The following AJM1 variants were observed in gnomAD, a reference collection of about 807,000 sequenced individuals.
The protein encoded by AJM1 is apical junction component 1 homolog.
In AJM1, 22 loss-of-function variants were observed where a neutral mutation model predicts 43.0. That is an observed-to-expected ratio of 0.51 (90% CI 0.37 to 0.73). AJM1 has a LOEUF of 0.73. Ranked by LOEUF, AJM1 falls within the 30% of genes least tolerant of loss-of-function variation. The pLI is 0.00. For missense variants in AJM1, 1,305 were observed against 1,343.3 expected, an observed-to-expected ratio of 0.97 and a Z score of 0.45; for synonymous variants, 719 against 638.3, an observed-to-expected ratio of 1.13 and a Z score of -1.91.
In AJM1 at chr9:136,846,526, C is replaced by T; in HGVS notation, c.2112C>T (p.Asp704=). The change falls in exon 3 of 3, where the codon GAC becomes GAT. Residue 704 remains aspartate (D), a synonymous_variant. Coordinates refer to ENST00000436881, the MANE Select transcript of AJM1 (RefSeq NM_001080482.5). The stretch of plus-strand genomic sequence containing the variant: ...GCCTGTGCCGCCGCGAGGACTGGGA[C>T]GCCCACAAGGCGCGCTGCGTGTACG... The part of the protein sequence containing the change: ...CSRLCRREDW[D]AHKARCVYGR... 2 of 1,595,200 alleles carry T rather than the reference C, an allele frequency of 1.3e-6. No homozygotes were observed. Among genetic ancestry groups the T allele is most frequent in the Non-Finnish European group, 1.7e-6 (2 of 1,178,376 alleles).
rs1416230421 is a variant in AJM1 at position 136,842,521 on chromosome 9, G to GCCGGGGAGTC, written c.-205_-204insGTCCCGGGGA. Reference sequence around the variant, plus strand: ...CTGCCCGTGCCGGGGACGCAGCAGTGCCGGGGACACAGAGGAGCCGACCTG... The same window carrying GCCGGGGAGTC: ...CTGCCCGTGCCGGGGACGCAGCAGTGCCGGGGAGTCCCGGGGACACAGAGGAGCCGACCTG... On this transcript the variant is annotated 5_prime_UTR_variant, in exon 1 of 3. Transcript: ENST00000436881. 6.6e-6 allele frequency among the ~76,000 whole-genome samples: 1 copy of GCCGGGGAGTC among 152,236 alleles called. No individual in the cohort carries two copies. The highest frequency in any genetic ancestry group is 1.5e-5 in the Non-Finnish European group (1 of 68,042).
In AJM1 at chr9:136,845,797, C is replaced by T. The variant is rs756944857; in HGVS notation, c.1383C>T (p.Asp461=). 10 of 1,570,722 alleles carry T rather than the reference C, an allele frequency of 6.4e-6. No individual in the cohort carries two copies. Among genetic ancestry groups the T allele is most frequent in the African/African-American group, 1.4e-5 (1 of 73,872 alleles). Residue 461 remains aspartate, a synonymous_variant, in exon 3 of 3, where the codon GAC becomes GAT. Transcript: ENST00000436881. ...NILAPGPRRE[D]PLGRGRSYEN... ...TGGCCCCGGGGCCGCGCCGAGAAGA[C>T]CCGTTGGGCCGCGGCCGCAGCTACG...
chr9:136,847,198 C>G lies in AJM1; in HGVS notation c.2784C>G (p.Val928=), dbSNP rs1564379384. 1 of 1,605,856 alleles carries G rather than the reference C, an allele frequency of 6.2e-7. No homozygotes were observed. Among genetic ancestry groups the G allele is most frequent in the African/African-American group, 1.3e-5 (1 of 74,712 alleles). The change falls in exon 3 of 3, where the codon GTC becomes GTG. Residue 928 remains valine, a synonymous_variant. Coordinates refer to ENST00000436881, the MANE Select transcript of AJM1 (RefSeq NM_001080482.5). ...TCTACGAGCAGCTTTGCGAGTTCGT[C>G]GAGGCCAACAGGCGCTTCACGCCCA... ...PRVYEQLCEF[V]EANRRFTPTT... is the part of the protein sequence containing the mutation.
In AJM1 at chr9:136,846,856, C is replaced by A; in HGVS notation, c.2442C>A (p.Leu814=). The A allele has an allele frequency of 1.3e-6, 2 of 1,575,470 alleles. No individual in the cohort carries two copies. Among genetic ancestry groups the A allele is most frequent in the South Asian group, 1.1e-5 (1 of 87,614 alleles). ...RLYEPAECFL[L]SVSVAVGPGT... ...ACGAACCGGCAGAGTGCTTCCTGCTCAGCGTGTCCGTGGCCGTGGGACCCG... is the reference window on the plus strand; with the variant it reads ...ACGAACCGGCAGAGTGCTTCCTGCTAAGCGTGTCCGTGGCCGTGGGACCCG... Residue 814 remains leucine (L), a synonymous_variant, in exon 3 of 3, where the codon CTC becomes CTA. Coordinates refer to ENST00000436881, the MANE Select transcript of AJM1 (RefSeq NM_001080482.5).
rs1479026506 is a variant in AJM1 at position 136,847,723 on chromosome 9, GCT to G, written c.*381_*382del. On this transcript the variant is annotated 3_prime_UTR_variant, in exon 3 of 3. Coordinates refer to ENST00000436881, the MANE Select transcript of AJM1 (RefSeq NM_001080482.5). Reference sequence around the variant, plus strand: ...GCGGGGTGGGCCTGAGGACCGCCGAGCTCTGCCTTCACTCGGAGGGGTCACTA... The same window carrying G: ...GCGGGGTGGGCCTGAGGACCGCCGAGCTGCCTTCACTCGGAGGGGTCACTA... 1 of 229,706 alleles carries G rather than the reference GCT, an allele frequency of 4.4e-6. No homozygotes were observed. Among genetic ancestry groups the G allele is most frequent in the Non-Finnish European group, 8.5e-6 (1 of 118,274 alleles). 14.2% of individuals were successfully genotyped at this position (229,706 alleles called of 1,614,324 possible).
chr9:136,844,576 C>G lies in AJM1; in HGVS notation c.162C>G (p.Asp54Glu). The G allele has an allele frequency of 2.5e-6, 4 of 1,597,986 alleles. No individual in the cohort carries two copies. The highest frequency in any genetic ancestry group is 3.4e-6 in the Non-Finnish European group (4 of 1,174,046). Reference protein sequence around the residue: ...PFNKRHCRSFDFLEALDGPAM... With the variant: ...PFNKRHCRSFEFLEALDGPAM... ...ACAAGCGCCACTGCCGCAGCTTCGA[C>G]TTCCTGGAGGCGCTGGACGGGCCGG... Residue 54 changes from aspartate (D) to glutamate (E), a missense_variant, in exon 3 of 3, where the codon GAC becomes GAG. By Grantham distance (45) the Asp-to-Glu change is conservative (BLOSUM62 2). Coordinates refer to ENST00000436881, the MANE Select transcript of AJM1 (RefSeq NM_001080482.5).
chr9:136,845,863 G>T lies in AJM1; in HGVS notation c.1449G>T (p.Val483=). ...GCGAGGTGCGGGAGCCGCGAGGCGTGTCCCCCGAAGGCCGGCGCCCGCCCG... is the reference window on the plus strand; with the variant it reads ...GCGAGGTGCGGGAGCCGCGAGGCGTTTCCCCCGAAGGCCGGCGCCCGCCCG... ...LGREVREPRG[V]SPEGRRPPVV... is the part of the protein sequence containing the mutation. Residue 483 remains valine (V), a synonymous_variant, in exon 3 of 3, where the codon GTG becomes GTT. Transcript: ENST00000436881. 6.4e-7 allele frequency: 1 copy of T among 1,559,064 alleles called. No individual in the cohort carries two copies.
chr9:136,843,578 C>G (rs996088563), intron 1 of AJM1, among the ~76,000 whole-genome samples: 2 of 152,216 alleles, frequency 1.3e-5, no homozygotes, highest in African/African-American at 4.8e-5. Context: ...AAAGCTGGGG[C>G]CTTGTTTCAA....
At chr9:136,843,663 G>A (rs1288999672) in intron 1 of AJM1, among the ~76,000 whole-genome samples, 1 of 152,218 alleles carries the variant, frequency 6.6e-6, no homozygotes, top group Non-Finnish European at 1.5e-5. Context: ...TATGCTCTCT[G>A]GGGGCATTTT....
chr9:136,846,984 C>T lies in AJM1; in HGVS notation c.2570C>T (p.Pro857Leu). 3.3e-6 allele frequency: 4 copies of T among 1,226,606 alleles called. No homozygotes were observed. Among genetic ancestry groups the T allele is most frequent in the Non-Finnish European group, 4.3e-6 (4 of 934,610 alleles). 76.0% of individuals were successfully genotyped at this position (1,226,606 alleles called of 1,614,324 possible). A position where few individuals can be genotyped will look rare whatever the true frequency, so the allele number is the denominator to read the frequency against. Residue 857 changes from proline (P) to leucine (L), a missense_variant, in exon 3 of 3, where the codon CCC becomes CTC. This residue lies in a region of AJM1 where 391 missense variants were observed against 507.5 expected (regional missense o/e 0.77). Transcript: ENST00000436881. ...AAGGTAGCGCTGGCGGCCGGCAGCC[C>T]CGCGCGGCCGCCCCCGGCGCGGAGC... ...FAKVALAAGS[P>L]ARPPPARSRE...
In AJM1 at chr9:136,846,577, C is replaced by T. The variant is rs901085671; in HGVS notation, c.2163C>T (p.His721=). The stretch of plus-strand genomic sequence containing the variant: ...GCCGCGTGGGCAGCGTGTGCCGCCA[C>T]GTACTGCAGTTTTGCCGCGACAGCG... ...VYGRVGSVCR[H]VLQFCRDSGP... Residue 721 remains histidine, a synonymous_variant, in exon 3 of 3, where the codon CAC becomes CAT. Transcript: ENST00000436881. 3.1e-6 allele frequency: 5 copies of T among 1,590,472 alleles called. No homozygotes were observed. The highest frequency in any genetic ancestry group is 1.3e-5 in the African/African-American group (1 of 74,584).
At chr9:136,843,891 T>G (rs1848733541) in intron 1 of AJM1, among the ~76,000 whole-genome samples, 1 of 152,178 alleles carries the variant, frequency 6.6e-6, no homozygotes, top group South Asian at 2.1e-4. Flanking sequence ...GCGCAGTCAC[T>G]GACGTCTCCT....
At position 136,845,629 on chromosome 9, in the gene AJM1, C is replaced by A; in HGVS notation, c.1215C>A (p.Gly405=). Residue 405 remains glycine (G), a synonymous_variant, in exon 3 of 3, where the codon GGC becomes GGA. Coordinates refer to ENST00000436881, the MANE Select transcript of AJM1 (RefSeq NM_001080482.5). The part of the protein sequence containing the change: ...PRSSPAWADW[G]PRPYRTLQVV... ...GCAGCCCGGCCTGGGCGGACTGGGG[C>A]CCGCGACCGTACCGCACCCTGCAAG... 1.9e-6 allele frequency: 3 copies of A among 1,577,860 alleles called. No homozygotes were observed. The highest frequency in any genetic ancestry group is 1.8e-5 in the Admixed American group (1 of 56,772).
At position 136,845,432 on chromosome 9, in the gene AJM1, C is replaced by T. The variant is rs752722561; in HGVS notation, c.1018C>T (p.Pro340Ser). ...GCGCACCTTCCCAATCCAGGAACCG[C>T]CCTCCCGCTCCTACTATGGGGAGGC... ...EVRTFPIQEP[P>S]SRSYYGEAPR... The change falls in exon 3 of 3, where the codon CCC becomes TCC. Residue 340 changes from proline to serine, a missense_variant. This residue lies in a region of AJM1 where 653 missense variants were observed against 549.1 expected (regional missense o/e 1.19). Coordinates refer to ENST00000436881, the MANE Select transcript of AJM1 (RefSeq NM_001080482.5). 5 of 1,612,088 alleles carry T rather than the reference C, an allele frequency of 3.1e-6. No homozygotes were observed. Among genetic ancestry groups the T allele is most frequent in the Non-Finnish European group, 4.2e-6 (5 of 1,179,666 alleles).
At chr9:136,844,023 G>T (rs1367044100) in intron 1 of AJM1, among the ~76,000 whole-genome samples, 173 bp from the exon 2 acceptor site, 1 of 152,172 alleles carries the variant, frequency 6.6e-6, no homozygotes, top group Non-Finnish European at 1.5e-5. Context: ...GTCCACCCGA[G>T]CCGACCCCGC....
In AJM1 at chr9:136,846,062, GCC is replaced by G; in HGVS notation, c.1649_1650del (p.Ala550ValfsTer234). 1 of 1,537,964 alleles carries G rather than the reference GCC, an allele frequency of 6.5e-7. No individual in the cohort carries two copies. Among genetic ancestry groups the G allele is most frequent in the Non-Finnish European group, 8.7e-7 (1 of 1,144,270 alleles). On this transcript the variant is annotated frameshift_variant, in exon 3 of 3. Coordinates refer to ENST00000436881, the MANE Select transcript of AJM1 (RefSeq NM_001080482.5). LOFTEE classifies it high-confidence loss of function. ...LRATERPSAR[A>X]WELPGGRTRP... ...CGCCACCGAGCGCCCGAGCGCCAGG[GCC>G]TGGGAGTTGCCCGGGGGCCGCACGC...
Position 136,846,701 on chromosome 9 carries a change from G to A in AJM1, c.2287G>A (p.Asp763Asn). The change falls in exon 3 of 3, where the codon GAC (aspartate) becomes AAC (asparagine). Residue 763 changes from aspartate to asparagine, a missense_variant. Around this residue, in one of 6 missense-constraint regions of AJM1, gnomAD observed 391 missense variants for 507.5 expected, o/e 0.77. Transcript: ENST00000436881. ...FLGFPSPGSA[D>N]NFLRFGLEGL... ...GGGCTTCCCAAGTCCAGGCTCGGCC[G>A]ACAACTTCCTGCGCTTTGGCCTGGA... The A allele has an allele frequency of 6.2e-7, 1 of 1,604,298 alleles. No individual in the cohort carries two copies. The highest frequency in any genetic ancestry group is 2.2e-5 in the East Asian group (1 of 44,772).
intron 1 of AJM1, among the ~76,000 whole-genome samples, 138 bp from the exon 2 acceptor site, chr9:136,844,058 C>T (rs865854381): frequency 8.1e-4 from 123 of 152,276 alleles, no homozygotes; most frequent in African/African-American, 2.6e-3. Flanking sequence ...GGAGGGGAGG[C>T]CCTGGAGCTT....
In AJM1 at chr9:136,845,801, T is replaced by C. The variant is rs1564378252; in HGVS notation, c.1387T>C (p.Leu463=). 3.2e-6 allele frequency: 5 copies of C among 1,570,132 alleles called. No homozygotes were observed. Among genetic ancestry groups the C allele is most frequent in the Admixed American group, 3.6e-5 (2 of 55,238 alleles). The change falls in exon 3 of 3, where the codon TTG becomes CTG. Residue 463 remains leucine, a synonymous_variant. Transcript: ENST00000436881. ...LAPGPRREDP[L]GRGRSYENLL... ...CCCGGGGCCGCGCCGAGAAGACCCG[T>C]TGGGCCGCGGCCGCAGCTACGAGAA...
Sources: allele counts gnomAD v4.1 joint callset (sites outside exome capture counted in the v4.1 genomes callset), GRCh38; gene constraint gnomAD v4.1.1; regional missense constraint gnomAD v4.1.1; transcripts MANE v1.5; gene names NCBI Gene and HGNC (gene_info 2026-07-23, HGNC 2026-07-21).